The following GPAT2 variants were observed in gnomAD, a reference collection of about 807,000 sequenced individuals.
The protein encoded by GPAT2 is 1-acylglycerol-3-phosphate O-acyltransferase GPAT2.
GPAT2 carries 51 observed loss-of-function variants against 71.0 expected under a neutral mutation model. That is an observed-to-expected ratio of 0.72 (90% CI 0.57 to 0.91). The LOEUF is 0.91. Ranked by LOEUF, GPAT2 falls within the 40% of genes least tolerant of loss-of-function variation. The pLI, the probability that GPAT2 is intolerant of heterozygous loss-of-function variation, is 0.00. For synonymous variants in GPAT2, 222 were observed against 290.3 expected (o/e 0.76, Z 2.39); for missense variants, 511 against 666.0 (o/e 0.77, Z 2.56).
chr2:96,026,065 C>T, intron 11 of GPAT2, 53 bp from the exon 12 acceptor site: 2 of 1,602,282 alleles, frequency 1.2e-6, no homozygotes, highest in Non-Finnish European at 1.7e-6. Flanking sequence ...AGGAAACTTG[C>T]ACACAGCCCA....
chr2:96,024,350 G>T lies in GPAT2; in HGVS notation c.1688-13C>A. The T allele has an allele frequency of 6.3e-7, 1 of 1,598,120 alleles. No individual in the cohort carries two copies. The highest frequency in any genetic ancestry group is 8.6e-7 in the Non-Finnish European group (1 of 1,169,244). ...CGCACTGCACAGGCTGGGGGCGGAG[G>T]GTCCATTATGAAGAAGGAGCCGTTC... is the stretch of plus-strand genomic sequence containing the variant. On this transcript the variant is annotated splice_polypyrimidine_tract_variant and intron_variant, in intron 15 of 21. Coordinates refer to ENST00000434632, the MANE Select transcript of GPAT2 (RefSeq NM_001321527.2).
chr2:96,024,631 GTA>G lies in GPAT2; in HGVS notation c.1481_1482del (p.Ile494ThrfsTer6), dbSNP rs1376904707. On this transcript the variant is annotated frameshift_variant, in exon 15 of 22. Transcript: ENST00000434632. LOFTEE classifies it high-confidence loss of function. Reference protein sequence around the residue: ...LGEFSWLTEEILLRGFDVGFS... With the variant: ...LGEFSWLTEEXLLRGFDVGFS... ...AAGCCTACATCAAAGCCACGCAACA[GTA>G]TCTCCTCCGTCAGCCAGGAGAACTC... The G allele has an allele frequency of 1.2e-6, 2 of 1,613,882 alleles. No individual in the cohort carries two copies. The highest frequency in any genetic ancestry group is 1.6e-4 in the Middle Eastern group (1 of 6,062).
chr2:96,025,397 G>A, intron 13 of GPAT2, 88 bp downstream of exon 13: 1 of 1,482,940 alleles, frequency 6.7e-7, no homozygotes, highest in Non-Finnish European at 9.0e-7. Context: ...GCAGACACTT[G>A]GAATGGAGAA....
chr2:96,023,290 G>T lies in GPAT2; in HGVS notation c.2046+19C>A. 2 of 1,614,072 alleles carry T rather than the reference G, an allele frequency of 1.2e-6. No individual in the cohort carries two copies. Among genetic ancestry groups the T allele is most frequent in the Non-Finnish European group, 8.5e-7 (1 of 1,179,968 alleles). ...GCCTCCCTACCACCTCCCTCCAGGG[G>T]CAGCTTTTTGAAACACACCCTGAAG... On this transcript the variant is annotated intron_variant, in intron 18 of 21. Transcript: ENST00000434632.
intron 13 of GPAT2, chr2:96,025,279 A>G: frequency 3.0e-6 from 2 of 672,042 alleles, no homozygotes; most frequent in South Asian, 4.4e-5. Context: ...ATCTTTGTGC[A>G]TGCACTTAGC....
chr2:96,034,141 T>TGATG (rs1316809363), intron 1 of GPAT2, among the ~76,000 whole-genome samples: 3 of 117,624 alleles, frequency 2.6e-5, no homozygotes, highest in Non-Finnish European at 3.5e-5. Context: ...TAAAACCTTA[T>TGATG]GATGTAAAAC....
rs996058275 is a variant in GPAT2 at position 96,022,034 on chromosome 2, T to C, written c.*125A>G. 7.5e-6 allele frequency: 11 copies of C among 1,474,138 alleles called. No homozygotes were observed. In the East Asian group the frequency reaches 1.2e-4, roughly 16 times the overall value. The allele number at this position is 1,474,138 out of a possible 1,614,324, so 91.3% of individuals were successfully genotyped here. Reference sequence around the variant, plus strand: ...AAAAGCAAGAGATGGCAAGGGACAATCAAGCCTCAATGATTATATTTATAG... The same window carrying C: ...AAAAGCAAGAGATGGCAAGGGACAACCAAGCCTCAATGATTATATTTATAG... On this transcript the variant is annotated 3_prime_UTR_variant, in exon 22 of 22. Coordinates refer to ENST00000434632, the MANE Select transcript of GPAT2 (RefSeq NM_001321527.2).
chr2:96,024,960 A>C, intron 13 of GPAT2, 117 bp from the exon 14 acceptor site: 1 of 1,165,242 alleles, frequency 8.6e-7, no homozygotes, highest in Non-Finnish European at 1.3e-6. Flanking sequence ...GGGATGAGGA[A>C]CGTACACCCG....
Position 96,022,958 on chromosome 2 carries a change from C to T in GPAT2, c.2233G>A (p.Glu745Lys), listed in dbSNP as rs779152625. ...QATAQEEGIF[E>K]CADPKLAISA... Reference sequence around the variant, plus strand: ...CCTGGGCTGACTGGTTGGGACTCACCGAAGATCCCTTCTTCCTGGGCGGTG... The same window carrying T: ...CCTGGGCTGACTGGTTGGGACTCACTGAAGATCCCTTCTTCCTGGGCGGTG... The change falls in exon 20 of 22, where the codon GAG becomes AAG. Residue 745 changes from glutamate to lysine, a missense_variant and splice_region_variant. Physicochemically the swap from Glu to Lys is moderately conservative, Grantham distance 56. Around this residue, in one of 7 missense-constraint regions of GPAT2, gnomAD observed 108 missense variants for 117.6 expected, o/e 0.92. Transcript: ENST00000434632. The T allele has an allele frequency of 9.3e-6, 15 of 1,613,712 alleles. No individual in the cohort carries two copies. The East Asian group carries it at 1.1e-4, about 12-fold the overall frequency.
Position 96,022,686 on chromosome 2 carries a change from C to A in GPAT2, c.2271G>T (p.Trp757Cys). 6.2e-7 allele frequency: 1 copy of A among 1,613,914 alleles called. No individual in the cohort carries two copies. The highest frequency in any genetic ancestry group is 1.7e-5 in the Admixed American group (1 of 60,012). Residue 757 changes from tryptophan (W) to cysteine (C), a missense_variant, in exon 21 of 22, where the codon TGG becomes TGT. This residue lies in a region of GPAT2 where 108 missense variants were observed against 117.6 expected (regional missense o/e 0.92). Coordinates refer to ENST00000434632, the MANE Select transcript of GPAT2 (RefSeq NM_001321527.2). Reference protein sequence around the residue: ...ADPKLAISAVWTFRDLGVLQQ... With the variant: ...ADPKLAISAVCTFRDLGVLQQ... ...CTCTCACCCCTAGGTCTCTGAAGGT[C>A]CAGACAGCACTGATGGCGAGCTTTG...
intron 11 of GPAT2, 49 bp downstream of exon 11, chr2:96,026,134 T>G: frequency 6.3e-7 from 1 of 1,580,386 alleles, no homozygotes; most frequent in Non-Finnish European, 8.6e-7. Context: ...CCAGGATGCC[T>G]AGGACAGACA....
In GPAT2 at chr2:96,025,474, T is replaced by C. The variant is rs746213828; in HGVS notation, c.1357+11A>G. 1 of 1,571,724 alleles carries C rather than the reference T, an allele frequency of 6.4e-7. No homozygotes were observed. Among genetic ancestry groups the C allele is most frequent in the Admixed American group, 1.9e-5 (1 of 51,642 alleles). The stretch of plus-strand genomic sequence containing the variant: ...CCCACCCGCAAAGGCCCAGATCTGG[T>C]TCACCCTCACCACTCAGGACATGAC... On this transcript the variant is annotated intron_variant, in intron 13 of 21. Transcript: ENST00000434632.
In GPAT2 at chr2:96,022,608, G is replaced by T. The variant is rs1371020925; in HGVS notation, c.2289+60C>A. The T allele has an allele frequency of 3.8e-6, 6 of 1,566,404 alleles. No individual in the cohort carries two copies. In the African/African-American group the frequency reaches 8.1e-5, roughly 21 times the overall value. On this transcript the variant is annotated intron_variant, in intron 21 of 21. Coordinates refer to ENST00000434632, the MANE Select transcript of GPAT2 (RefSeq NM_001321527.2). ...GATGGGGACATAGCTGGGTTTCCCTGAGCTACTCTATTGGGGTGGGAGCAG... is the reference window on the plus strand; with the variant it reads ...GATGGGGACATAGCTGGGTTTCCCTTAGCTACTCTATTGGGGTGGGAGCAG...
At position 96,024,797 on chromosome 2, in the gene GPAT2, C is replaced by T. The variant is rs370104470; in HGVS notation, c.1404G>A (p.Thr468=). 22 of 1,613,786 alleles carry T rather than the reference C, an allele frequency of 1.4e-5. No individual in the cohort carries two copies. The Admixed American group carries it at 2.3e-4, about 17-fold the overall frequency. ...CCTTCTGATGCTTGAAGAGCAGCAG[C>T]GTTGCCATAATGGCCGTGCTCATCA... The part of the protein sequence containing the change: ...SAVMSTAIMA[T]LLLFKHQKGV... Residue 468 remains threonine (T), a synonymous_variant, in exon 14 of 22, where the codon ACG becomes ACA. Coordinates refer to ENST00000434632, the MANE Select transcript of GPAT2 (RefSeq NM_001321527.2).
chr2:96,024,908 A>C, intron 13 of GPAT2, 65 bp from the exon 14 acceptor site: 1 of 1,570,304 alleles, frequency 6.4e-7, no homozygotes, highest in Non-Finnish European at 8.8e-7. Context: ...TCCCTCCATG[A>C]TCTAGCAAGT....
At position 96,022,667 on chromosome 2, in the gene GPAT2, C is replaced by T; in HGVS notation, c.2289+1G>A. On this transcript the variant is annotated splice_donor_variant, in intron 21 of 21. Coordinates refer to ENST00000434632, the MANE Select transcript of GPAT2 (RefSeq NM_001321527.2). LOFTEE classifies it high-confidence loss of function. The stretch of plus-strand genomic sequence containing the variant: ...AAGATGGTGACAGTGGCTCCTCTCA[C>T]CCCTAGGTCTCTGAAGGTCCAGACA... 2.5e-6 allele frequency: 4 copies of T among 1,613,940 alleles called. No homozygotes were observed. The highest frequency in any genetic ancestry group is 2.2e-5 in the East Asian group (1 of 44,884).
At chr2:96,025,391 A>G (rs1680285709) in intron 13 of GPAT2, 94 bp downstream of exon 13, 1 of 1,461,676 alleles carries the variant, frequency 6.8e-7, no homozygotes, top group Non-Finnish European at 9.1e-7. Context: ...TCAGGTGCAG[A>G]CACTTGGAAT....
chr2:96,034,095 TACAC>T (rs1169303777), intron 1 of GPAT2, among the ~76,000 whole-genome samples: 4 of 146,230 alleles, frequency 2.7e-5, no homozygotes, highest in South Asian at 2.2e-4. Flanking sequence ...TACATATATA[TACAC>T]ACACACACAC....
rs374197811 is a variant in GPAT2, at chr2:96,024,660, C to T, written c.1454G>A (p.Gly485Glu). The T allele has an allele frequency of 8.7e-6, 14 of 1,613,800 alleles. No homozygotes were observed. In the African/African-American group the frequency reaches 1.5e-4, roughly 17 times the overall value. Reference protein sequence around the residue: ...QKGVFLSQLLGEFSWLTEEIL... With the variant: ...QKGVFLSQLLEEFSWLTEEIL... The stretch of plus-strand genomic sequence containing the variant: ...CTCCTCCGTCAGCCAGGAGAACTCC[C>T]CCAGGAGCTGCGACAGGAACACACC... Residue 485 changes from glycine to glutamate, a missense_variant, in exon 15 of 22, where the codon GGG (glycine) becomes GAG (glutamate). By Grantham distance (98) the Gly-to-Glu change is moderately conservative. Coordinates refer to ENST00000434632, the MANE Select transcript of GPAT2 (RefSeq NM_001321527.2).
Sources: gnomAD v4.1 joint callset for allele counts (sites outside exome capture counted in the v4.1 genomes callset) on GRCh38, gnomAD v4.1.1 for gene constraint, gnomAD v4.1.1 regional missense constraint, MANE v1.5 for transcripts, NCBI Gene and HGNC (gene_info 2026-07-23, HGNC 2026-07-21) for gene names.